Variants in MIPEP observed in about 807,000 individuals in gnomAD.
MIPEP encodes mitochondrial intermediate peptidase.
MIPEP carries 79 observed loss-of-function variants against 90.3 expected under a neutral mutation model. The observed-to-expected ratio is 0.87, with a 90% CI of 0.73 to 1.05. The LOEUF (loss-of-function observed/expected upper bound fraction) is 1.05. MIPEP is among the 50% of genes least tolerant of loss of function. The pLI is 0.00. For synonymous variants in MIPEP, 334 were observed against 315.8 expected (o/e 1.06, Z -0.61); for missense variants, 940 against 905.6 (o/e 1.04, Z -0.49).
rs574130132 is a variant in MIPEP, at chr13:23,810,085, A to G, written c.1654-161T>C. 7.2e-5 allele frequency among the ~76,000 whole-genome samples: 11 copies of G among 152,388 alleles called. No homozygotes were observed. In the East Asian group the frequency reaches 2.1e-3, roughly 29 times the overall value. On this transcript the variant is annotated intron_variant, in intron 14 of 18. Coordinates refer to ENST00000382172, the MANE Select transcript of MIPEP (RefSeq NM_005932.4). ...CTTTAAATATTTTAGTTGGCAAGAC[A>G]ACATGAATAAAGACATTCTGTTTAA...
At chr13:23,749,843 T>A (rs932612962) in intron 18 of MIPEP, among the ~76,000 whole-genome samples, 2 of 152,150 alleles carry the variant, frequency 1.3e-5, no homozygotes, top group Non-Finnish European at 2.9e-5. Context: ...GTCCTCAGAA[T>A]AAACACCAAC....
At chr13:23,785,956 C>T (rs1208187849) in intron 16 of MIPEP, among the ~76,000 whole-genome samples, 1 of 152,182 alleles carries the variant, frequency 6.6e-6, no homozygotes. Context: ...CAGTGACTCA[C>T]GTCTGTAATC....
chr13:23,821,635 T>G (rs1198216593), intron 14 of MIPEP, among the ~76,000 whole-genome samples: 1 of 152,180 alleles, frequency 6.6e-6, no homozygotes, highest in African/African-American at 2.4e-5. Context: ...AGAAAAGGAA[T>G]GTACAACCTG....
chr13:23,781,797 T>A (rs1411468630), intron 16 of MIPEP, among the ~76,000 whole-genome samples: 1 of 152,032 alleles, frequency 6.6e-6, no homozygotes, highest in African/African-American at 2.4e-5. Flanking sequence ...AAGGCAGGGG[T>A]TGCAATCCTA....
intron 16 of MIPEP, among the ~76,000 whole-genome samples, chr13:23,782,008 A>G (rs1952788066): frequency 2.6e-5 from 4 of 152,202 alleles, no homozygotes; most frequent in Admixed American, 1.3e-4. Context: ...TAATAATGGG[A>G]GACTTTAACA....
At chr13:23,788,182 G>C (rs1413692075) in intron 16 of MIPEP, among the ~76,000 whole-genome samples, 2 of 152,162 alleles carry the variant, frequency 1.3e-5, no homozygotes, top group African/African-American at 2.4e-5. Flanking sequence ...GTTTTCTTCA[G>C]TCTATTTTAA....
intron 13 of MIPEP, among the ~76,000 whole-genome samples, chr13:23,837,025 C>T (rs1001146164): frequency 6.6e-6 from 1 of 152,082 alleles, no homozygotes; most frequent in African/African-American, 2.4e-5. Flanking sequence ...AAGGATAAGA[C>T]AATGAAGAAG....
intron 16 of MIPEP, among the ~76,000 whole-genome samples, chr13:23,802,529 C>T (rs1474865911): frequency 6.6e-6 from 1 of 152,172 alleles, no homozygotes; most frequent in Non-Finnish European, 1.5e-5. Context: ...GACTGCACCA[C>T]TGCACTCCAG....
intron 18 of MIPEP, among the ~76,000 whole-genome samples, chr13:23,751,287 C>T (rs1212245544): frequency 6.6e-6 from 1 of 152,138 alleles, no homozygotes; most frequent in Non-Finnish European, 1.5e-5. Flanking sequence ...GTGTGTTTGG[C>T]AGACTATAAA....
At chr13:23,734,265 C>G (rs1952236074) in intron 18 of MIPEP, among the ~76,000 whole-genome samples, 1 of 152,156 alleles carries the variant, frequency 6.6e-6, no homozygotes, top group African/African-American at 2.4e-5. Context: ...TAGCTTCTTC[C>G]TTCTCTTTTC....
At chr13:23,796,065 ATGTG>A (rs1240865378) in intron 16 of MIPEP, among the ~76,000 whole-genome samples, 1 of 152,066 alleles carries the variant, frequency 6.6e-6, no homozygotes, top group African/African-American at 2.4e-5. Flanking sequence ...TTATATATAT[ATGTG>A]TGTGTGTATA....
At chr13:23,738,357 T>C (rs1952287194) in intron 18 of MIPEP, among the ~76,000 whole-genome samples, 1 of 152,018 alleles carries the variant, frequency 6.6e-6, no homozygotes, top group Non-Finnish European at 1.5e-5. Context: ...ATGTAGTTTA[T>C]GTGTGGCCCA....
intron 14 of MIPEP, among the ~76,000 whole-genome samples, chr13:23,826,243 G>A (rs576133098): frequency 6.6e-6 from 1 of 152,074 alleles, no homozygotes. Context: ...CATTCTCATG[G>A]TAGAAGACTT....
At chr13:23,826,255 T>C (rs1324820239) in intron 14 of MIPEP, among the ~76,000 whole-genome samples, 3 of 152,164 alleles carry the variant, frequency 2.0e-5, no homozygotes, top group African/African-American at 7.2e-5. Flanking sequence ...AGAAGACTTA[T>C]ACCTCTAAAT....
chr13:23,859,371 C>T (rs896629800), intron 9 of MIPEP, among the ~76,000 whole-genome samples: 2 of 152,274 alleles, frequency 1.3e-5, no homozygotes, highest in Admixed American at 6.5e-5. Flanking sequence ...TAAAATGTAA[C>T]CAAGGCAGAA....
chr13:23,830,472 G>C (rs945571791), intron 14 of MIPEP, among the ~76,000 whole-genome samples: 2 of 151,150 alleles, frequency 1.3e-5, no homozygotes, highest in Non-Finnish European at 2.9e-5. Flanking sequence ...AGAGCATGTG[G>C]TAATGTTTTA....
chr13:23,784,728 CA>C (rs1952819134), intron 16 of MIPEP, among the ~76,000 whole-genome samples: 3 of 152,238 alleles, frequency 2.0e-5, no homozygotes, highest in African/African-American at 7.2e-5. Flanking sequence ...GAAATTTTTG[CA>C]ATCTACTCAT....
intron 10 of MIPEP, among the ~76,000 whole-genome samples, chr13:23,857,526 C>T (rs993360175): frequency 1.4e-4 from 22 of 152,192 alleles, no homozygotes; most frequent in African/African-American, 3.4e-4. Flanking sequence ...GACATGATTA[C>T]GCCACTGTAC....
At chr13:23,774,204 T>C (rs1164533674) in intron 16 of MIPEP, among the ~76,000 whole-genome samples, 1 of 152,176 alleles carries the variant, frequency 6.6e-6, no homozygotes, top group Non-Finnish European at 1.5e-5. Flanking sequence ...CAATTAGTTG[T>C]CAACTGAACA....
Sources: gnomAD v4.1 joint callset for allele counts (sites outside exome capture counted in the v4.1 genomes callset) on GRCh38, gnomAD v4.1.1 for gene constraint, MANE v1.5 for transcripts, NCBI Gene and HGNC (gene_info 2026-07-23, HGNC 2026-07-21) for gene names.